Variants in HS2ST1 observed in about 807,000 individuals in gnomAD.
HS2ST1 encodes 2-O-sulfotransferase.
Under a neutral mutation model 42.9 loss-of-function variants are expected in HS2ST1, and 18 were observed. The observed-to-expected ratio is 0.42, with a 90% CI of 0.29 to 0.62. The LOEUF (loss-of-function observed/expected upper bound fraction) is 0.62. HS2ST1 is among the 20% of genes least tolerant of loss of function. The pLI is 0.21. For synonymous variants in HS2ST1, 146 were observed against 152.9 expected (o/e 0.95, Z 0.33); for missense variants, 334 against 433.8 (o/e 0.77, Z 2.04).
At chr1:86,919,921 A>G (rs1165196948) in intron 1 of HS2ST1, among the ~76,000 whole-genome samples, 1 of 152,242 alleles carries the variant, frequency 6.6e-6, no homozygotes, top group Non-Finnish European at 1.5e-5. Flanking sequence ...GGAAAAGGAC[A>G]GGGAATCCAA....
At chr1:87,067,375 G>A (rs192274603) in intron 1 of HS2ST1, among the ~76,000 whole-genome samples, 156 of 152,242 alleles carry the variant, frequency 1.0e-3, no homozygotes, top group Admixed American at 1.7e-3. Context: ...GTCTTCTTTT[G>A]AGAAGTGTCT....
intron 4 of HS2ST1, among the ~76,000 whole-genome samples, chr1:87,095,775 A>G (rs1652046081): frequency 6.6e-6 from 1 of 152,100 alleles, no homozygotes; most frequent in Non-Finnish European, 1.5e-5. Context: ...ATATTTACCA[A>G]TATCAGTAAA....
intron 1 of HS2ST1, among the ~76,000 whole-genome samples, chr1:87,065,786 T>C (rs1651233649): frequency 1.3e-5 from 2 of 152,224 alleles, no homozygotes; most frequent in Non-Finnish European, 2.9e-5. Flanking sequence ...AGTGTTATTA[T>C]TGCTGATTTC....
chr1:86,953,497 C>T (rs1647581982), intron 1 of HS2ST1, among the ~76,000 whole-genome samples: 1 of 152,230 alleles, frequency 6.6e-6, no homozygotes, highest in African/African-American at 2.4e-5. Flanking sequence ...TGGCTCATGC[C>T]TGTAATCCCA....
At chr1:86,984,047 A>G (rs1648684704) in intron 1 of HS2ST1, among the ~76,000 whole-genome samples, 1 of 151,914 alleles carries the variant, frequency 6.6e-6, no homozygotes, top group African/African-American at 2.4e-5. Flanking sequence ...CTCAAAAAAA[A>G]AAAAAATTTC....
chr1:87,098,838 G>C (rs929996442), intron 5 of HS2ST1, among the ~76,000 whole-genome samples: 1 of 152,110 alleles, frequency 6.6e-6, no homozygotes, highest in Non-Finnish European at 1.5e-5. Flanking sequence ...CTGGAGTGCA[G>C]GGGCACAATC....
At chr1:86,922,371 T>A (rs1395206220) in intron 1 of HS2ST1, among the ~76,000 whole-genome samples, 2 of 151,876 alleles carry the variant, frequency 1.3e-5, no homozygotes, top group East Asian at 1.9e-4. Context: ...TGTTTAAAAA[T>A]TTTTTAAAAA....
intron 1 of HS2ST1, among the ~76,000 whole-genome samples, chr1:87,009,487 A>G (rs1649535815): frequency 6.6e-6 from 1 of 152,198 alleles, no homozygotes; most frequent in Non-Finnish European, 1.5e-5. Flanking sequence ...TGCCATAGGT[A>G]TATACCATTT....
intron 1 of HS2ST1, among the ~76,000 whole-genome samples, chr1:87,068,666 A>C (rs1651315945): frequency 1.3e-5 from 2 of 152,038 alleles, no homozygotes; most frequent in African/African-American, 4.8e-5. Context: ...ACACCTTTAA[A>C]CTTAACTATT....
At chr1:87,034,703 A>AC (rs1448011478) in intron 1 of HS2ST1, among the ~76,000 whole-genome samples, 2 of 152,220 alleles carry the variant, frequency 1.3e-5, no homozygotes, top group African/African-American at 4.8e-5. Context: ...TTTAAAAGAC[A>AC]ATAAAAAATA....
rs142162748 is a variant in HS2ST1, at chr1:87,025,735, A to G, written c.125-47199A>G. ...TTCCACATAATTTGCTTTTCTCCCC[A>G]CAACCCCCAACTCTTGCTGAAAATT... On this transcript the variant is annotated intron_variant, in intron 1 of 6. Coordinates refer to ENST00000370550, the MANE Select transcript of HS2ST1 (RefSeq NM_012262.4). 9.0e-3 allele frequency among the ~76,000 whole-genome samples: 1,368 copies of G among 152,306 alleles called. 22 individuals carry two copies. Among genetic ancestry groups the G allele is most frequent in the African/African-American group, 0.032 (1,322 of 41,570 alleles).
intron 3 of HS2ST1, among the ~76,000 whole-genome samples, chr1:87,084,554 A>G (rs1284850140): frequency 2.0e-5 from 3 of 152,082 alleles, no homozygotes; most frequent in Non-Finnish European, 4.4e-5. Context: ...GAATGACACT[A>G]CTTCAGGAGA....
intron 1 of HS2ST1, chr1:86,993,111 A>G (rs1283255467): frequency 6.2e-7 from 1 of 1,601,824 alleles, no homozygotes; most frequent in Non-Finnish European, 8.5e-7. Context: ...TTCATCTCGA[A>G]GTATTCAGTA....
intron 5 of HS2ST1, 189 bp downstream of exon 5, chr1:87,098,124 A>G: frequency 2.3e-6 from 3 of 1,291,762 alleles, no homozygotes; most frequent in African/African-American, 1.5e-5. Flanking sequence ...GTAGAGTGAT[A>G]TCCTAATATC....
At position 86,915,139 on chromosome 1, in the gene HS2ST1, G is replaced by A; in HGVS notation, c.103G>A (p.Glu35Lys). 6.2e-7 allele frequency: 1 copy of A among 1,614,000 alleles called. No individual in the cohort carries two copies. The change falls in exon 1 of 7, where the codon GAG (glutamate) becomes AAG (lysine). Residue 35 changes from glutamate (E) to lysine (K), a missense_variant. By Grantham distance (56) the Glu-to-Lys change is moderately conservative. Coordinates refer to ENST00000370550, the MANE Select transcript of HS2ST1 (RefSeq NM_012262.4). ...CTTGGAAAACCAGATCCAGAAACTG[G>A]AGGAGTCCCGCTCGAAGCTAGGTGA... ...LFLENQIQKL[E>K]ESRSKLERAI...
chr1:86,966,554 A>C (rs1648054325), intron 1 of HS2ST1, among the ~76,000 whole-genome samples: 1 of 152,226 alleles, frequency 6.6e-6, no homozygotes, highest in African/African-American at 2.4e-5. Flanking sequence ...ATGGGAAATA[A>C]AACTTTAATA....
chr1:86,953,468 G>A (rs1480565656), intron 1 of HS2ST1, among the ~76,000 whole-genome samples: 3 of 152,140 alleles, frequency 2.0e-5, no homozygotes, highest in African/African-American at 7.2e-5. Context: ...TTGATTTAAA[G>A]TGAGTGATGA....
intron 1 of HS2ST1, among the ~76,000 whole-genome samples, chr1:86,991,192 C>T (rs565072256): frequency 6.6e-6 from 1 of 151,982 alleles, no homozygotes; most frequent in Non-Finnish European, 1.5e-5. Flanking sequence ...AGATGCTCCA[C>T]TTCATGTCCC....
rs548874305 is a variant in HS2ST1, at chr1:86,952,982, T to C, written c.124+37822T>C. On this transcript the variant is annotated intron_variant, in intron 1 of 6. Coordinates refer to ENST00000370550, the MANE Select transcript of HS2ST1 (RefSeq NM_012262.4). The stretch of plus-strand genomic sequence containing the variant: ...ATAGCTATGAAAGTCCTAGATGCCA[T>C]CTTCTTCCAGTACAATGCTGTTTCA... 3.3e-5 allele frequency among the ~76,000 whole-genome samples: 5 copies of C among 152,216 alleles called. No individual in the cohort carries two copies. The South Asian group carries it at 1.0e-3, about 32-fold the overall frequency.
Sources: allele counts gnomAD v4.1 joint callset (sites outside exome capture counted in the v4.1 genomes callset), GRCh38; gene constraint gnomAD v4.1.1; transcripts MANE v1.5; gene names NCBI Gene and HGNC (gene_info 2026-07-23, HGNC 2026-07-21).